NFIX: variants seen among roughly 807,000 people sequenced by gnomAD.
NFIX encodes nuclear factor 1 X-type.
NFIX carries 2 observed loss-of-function variants against 53.3 expected under a neutral mutation model. That is an observed-to-expected ratio of 0.04 (90% CI 0.02 to 0.12). The LOEUF is 0.12. Ranked by LOEUF, NFIX falls within the 10% of genes least tolerant of loss-of-function variation. NFIX has a pLI of 1.00. For synonymous variants in NFIX, 244 were observed against 289.0 expected (o/e 0.84, Z 1.58); for missense variants, 310 against 674.5 (o/e 0.46, Z 5.99).
chr19:13,050,851 AT>A (rs957581478), intron 2 of NFIX, among the ~76,000 whole-genome samples: 1 of 151,394 alleles, frequency 6.6e-6, no homozygotes, highest in Admixed American at 6.6e-5. Context: ...CACAGGGGAC[AT>A]GCGACCTGTC....
At chr19:13,034,645 A>G (rs1487972689) in intron 2 of NFIX, among the ~76,000 whole-genome samples, 3 of 152,134 alleles carry the variant, frequency 2.0e-5, no homozygotes, top group Non-Finnish European at 4.4e-5. Context: ...AAATGAATGT[A>G]ATTATCATAA....
In NFIX at chr19:13,022,202, C is replaced by T. The variant is rs1029555085; in HGVS notation, c.28-2819C>T. On this transcript the variant is annotated intron_variant, in intron 1 of 10. Transcript: ENST00000592199. The surrounding 1 kb of genome is among the most constrained non-coding windows in gnomAD (Gnocchi z 4.5). ...GTGGCTGCGTGTAGAGCTTGTCAGG[C>T]GGAGTGCTGTGACAGGAGGCTATTT... Among the ~76,000 whole-genome samples the T allele has an allele frequency of 3.3e-5, 5 of 152,072 alleles. No homozygotes were observed. The highest frequency in any genetic ancestry group is 1.9e-4 in the East Asian group (1 of 5,194).
chr19:13,077,418 C>T (rs567932821), intron 6 of NFIX, among the ~76,000 whole-genome samples: 1 of 152,288 alleles, frequency 6.6e-6, no homozygotes, highest in South Asian at 2.1e-4. Flanking sequence ...TTAAGCAGCC[C>T]AGCTGCAGGA....
rs373938156 is a variant in NFIX at position 13,025,257 on chromosome 19, C to T, written c.264C>T (p.Arg88=). ...KLRKDIRPEF[R]EDFVLTITGK... is the part of the protein sequence containing the mutation. Reference sequence around the variant, plus strand: ...GCAAGGACATCCGGCCCGAGTTCCGCGAGGACTTCGTGCTGACCATCACGG... The same window carrying T: ...GCAAGGACATCCGGCCCGAGTTCCGTGAGGACTTCGTGCTGACCATCACGG... The change falls in exon 2 of 11, where the codon CGC becomes CGT. Residue 88 remains arginine, a synonymous_variant. Transcript: ENST00000592199. This position sits in a 1 kb window ranked among gnomAD's most constrained non-coding sequence, Gnocchi z 7.5. 10 of 1,613,996 alleles carry T rather than the reference C, an allele frequency of 6.2e-6. No homozygotes were observed. The African/African-American group carries it at 6.7e-5, about 11-fold the overall frequency.
At position 13,010,268 on chromosome 19, in the gene NFIX, C is replaced by T. The variant is rs1040368376; in HGVS notation, c.27+14404C>T. ...GGCTCAGCTGGGTCCGGACGGCGGC[C>T]CTCGCGCACGTGGTTACTCCCAAGG... On this transcript the variant is annotated intron_variant, in intron 1 of 10. Transcript: ENST00000592199. 5.3e-5 allele frequency among the ~76,000 whole-genome samples: 8 copies of T among 152,206 alleles called. No homozygotes were observed. In the East Asian group the frequency reaches 1.5e-3, roughly 29 times the overall value.
chr19:13,017,534 G>A (rs1319332527), intron 1 of NFIX, among the ~76,000 whole-genome samples: 1 of 152,056 alleles, frequency 6.6e-6, no homozygotes, highest in Non-Finnish European at 1.5e-5. Context: ...CCTGTGGCGG[G>A]GGAAACAGAA....
intron 2 of NFIX, among the ~76,000 whole-genome samples, chr19:13,048,722 C>T (rs1173064379): frequency 6.6e-6 from 1 of 150,894 alleles, no homozygotes; most frequent in Non-Finnish European, 1.5e-5. Context: ...AAAAAATTAG[C>T]AGTACTTGGA....
chr19:13,091,400 CAAAAAA>C (rs57370192), intron 10 of NFIX, among the ~76,000 whole-genome samples: 1 of 57,204 alleles, frequency 1.7e-5, no homozygotes, highest in Non-Finnish European at 3.6e-5. Context: ...TTCCTTCCCT[CAAAAAA>C]AAAAAAAAAA....
At position 13,090,710 on chromosome 19, in the gene NFIX, GGGA is replaced by G. The variant is rs1408272376; in HGVS notation, c.1494+325_1494+327del. Among the ~76,000 whole-genome samples, 3 of 152,312 alleles carry G rather than the reference GGGA, an allele frequency of 2.0e-5. No homozygotes were observed. In the East Asian group the frequency reaches 5.8e-4, roughly 29 times the overall value. ...CAAAGATGGAAGCCTGAGGCCCATC[GGGA>G]GGAGAATAGAGTCTGCCTCACTGCT... On this transcript the variant is annotated intron_variant, in intron 10 of 10. Transcript: ENST00000592199. This position sits in a 1 kb window ranked among gnomAD's most constrained non-coding sequence, Gnocchi z 6.6.
Position 13,094,542 on chromosome 19 carries a change from A to AC in NFIX, c.1495-90dup. 7.5e-7 allele frequency: 1 copy of AC among 1,338,422 alleles called. No individual in the cohort carries two copies. Among genetic ancestry groups the AC allele is most frequent in the South Asian group, 1.3e-5 (1 of 78,296 alleles). The allele number at this position is 1,338,422 out of a possible 1,614,324, so 82.9% of individuals were successfully genotyped here. ...GGCACCCTGGCTCTTTGGGAGCTGG[A>AC]CCCTTGAGGGGCCAGGTCACTGGGC... On this transcript the variant is annotated intron_variant, in intron 10 of 10. Transcript: ENST00000592199. This position sits in a 1 kb window ranked among gnomAD's most constrained non-coding sequence, Gnocchi z 4.3.
intron 2 of NFIX, chr19:13,070,198 G>C (rs2016688277): frequency 6.6e-6 from 1 of 152,298 alleles, no homozygotes; most frequent in South Asian, 2.1e-4. Flanking sequence ...CCACTGGCTG[G>C]TTCCTGCCAG....
chr19:13,064,778 G>A (rs1034968467), intron 2 of NFIX, among the ~76,000 whole-genome samples: 1 of 152,200 alleles, frequency 6.6e-6, no homozygotes, highest in Non-Finnish European at 1.5e-5. Context: ...GTGGGAGGTG[G>A]CATTTGAACA....
At position 13,067,481 on chromosome 19, in the gene NFIX, TGC is replaced by T. The variant is rs1555703612; in HGVS notation, c.560-5564_560-5563del. Reference sequence around the variant, plus strand: ...GTGCGCGCGTGTGTGTGTGTGTGTGTGCGTGTGTGTGTGTGTGTGTGTGTATG... The same window carrying T: ...GTGCGCGCGTGTGTGTGTGTGTGTGTGTGTGTGTGTGTGTGTGTGTGTATG... On this transcript the variant is annotated intron_variant, in intron 2 of 10. Coordinates refer to ENST00000592199, the MANE Select transcript of NFIX (RefSeq NM_001365902.3). The surrounding 1 kb of genome is among the most constrained non-coding windows in gnomAD (Gnocchi z 4.2). Among the ~76,000 whole-genome samples, 190 of 91,952 alleles carry T rather than the reference TGC, an allele frequency of 2.1e-3. No homozygotes were observed. The highest frequency in any genetic ancestry group is 0.011 in the African/African-American group (169 of 15,574). The allele number at this position is 91,952 out of a possible 152,430, so 60.3% of individuals were successfully genotyped here.
rs1483376014 is a variant in NFIX, at chr19:13,052,628, T to C, written c.560-20419T>C. Among the ~76,000 whole-genome samples the C allele has an allele frequency of 6.6e-6, 1 of 152,186 alleles. No homozygotes were observed. The highest frequency in any genetic ancestry group is 1.5e-5 in the Non-Finnish European group (1 of 68,024). The stretch of plus-strand genomic sequence containing the variant: ...CAGAGAAACAGTCACATGTCAGACA[T>C]GTGCCCTTTCTTGGGCTGAACCTAG... On this transcript the variant is annotated intron_variant, in intron 2 of 10. Coordinates refer to ENST00000592199, the MANE Select transcript of NFIX (RefSeq NM_001365902.3). This position sits in a 1 kb window ranked among gnomAD's most constrained non-coding sequence, Gnocchi z 5.2.
chr19:13,073,160 T>G lies in NFIX; in HGVS notation c.622+51T>G. On this transcript the variant is annotated intron_variant, in intron 3 of 10. Coordinates refer to ENST00000592199, the MANE Select transcript of NFIX (RefSeq NM_001365902.3). The surrounding 1 kb of genome is among the most constrained non-coding windows in gnomAD (Gnocchi z 4.5). ...GCCCTTATCCTTCATGCCCCTCCACTTCCTTCCCCCACCCTGGCTGCCCTG... is the reference window on the plus strand; with the variant it reads ...GCCCTTATCCTTCATGCCCCTCCACGTCCTTCCCCCACCCTGGCTGCCCTG... 6.4e-7 allele frequency: 1 copy of G among 1,568,578 alleles called. No individual in the cohort carries two copies. The highest frequency in any genetic ancestry group is 8.8e-7 in the Non-Finnish European group (1 of 1,138,508).
At chr19:13,015,644 C>T (rs906992660) in intron 1 of NFIX, among the ~76,000 whole-genome samples, 4 of 152,156 alleles carry the variant, frequency 2.6e-5, no homozygotes, top group African/African-American at 4.8e-5. Context: ...GAGGAGGGGC[C>T]CTTGCTCCCC....
chr19:13,081,886 A>G lies in NFIX; in HGVS notation c.1254+31A>G. 6.2e-7 allele frequency: 1 copy of G among 1,610,496 alleles called. No homozygotes were observed. The highest frequency in any genetic ancestry group is 1.1e-5 in the South Asian group (1 of 90,624). Reference sequence around the variant, plus strand: ...TCCAGAGGGCCCCAGGAGCCCGGCTACAGCCTCATCTCCACATCTATCTGT... The same window carrying G: ...TCCAGAGGGCCCCAGGAGCCCGGCTGCAGCCTCATCTCCACATCTATCTGT... On this transcript the variant is annotated intron_variant, in intron 8 of 10. Transcript: ENST00000592199. The surrounding 1 kb of genome is among the most constrained non-coding windows in gnomAD (Gnocchi z 4.7).
chr19:13,094,502 G>A lies in NFIX; in HGVS notation c.1495-133G>A. ...CCTTTCTTCTCCATGGGAACAAGGT[G>A]GGTGGTGGCTGCCCGGCACCCTGGC... On this transcript the variant is annotated intron_variant, in intron 10 of 10. Coordinates refer to ENST00000592199, the MANE Select transcript of NFIX (RefSeq NM_001365902.3). The surrounding 1 kb of genome is among the most constrained non-coding windows in gnomAD (Gnocchi z 4.3). 2 of 791,316 alleles carry A rather than the reference G, an allele frequency of 2.5e-6. No individual in the cohort carries two copies. The highest frequency in any genetic ancestry group is 4.1e-6 in the Non-Finnish European group (2 of 492,686). 49.0% of individuals were successfully genotyped at this position (791,316 alleles called of 1,614,324 possible). A position where few individuals can be genotyped will look rare whatever the true frequency, so the allele number is the denominator to read the frequency against.
At chr19:13,003,458 C>T (rs2011834558) in intron 1 of NFIX, among the ~76,000 whole-genome samples, 1 of 152,092 alleles carries the variant, frequency 6.6e-6, no homozygotes, top group Non-Finnish European at 1.5e-5. Context: ...CACACACACT[C>T]AGTCATAATG....
Sources: allele counts gnomAD v4.1 joint callset (sites outside exome capture counted in the v4.1 genomes callset), GRCh38; gene constraint gnomAD v4.1.1; non-coding constraint Gnocchi (gnomAD v3.1); transcripts MANE v1.5; gene names NCBI Gene and HGNC (gene_info 2026-07-23, HGNC 2026-07-21).